PELO: variants seen among roughly 807,000 people sequenced by gnomAD.
PELO encodes the protein pelota mRNA surveillance and ribosome rescue factor, also known as protein pelota homolog.
PELO carries 19 observed loss-of-function variants against 25.9 expected under a neutral mutation model. That is an observed-to-expected ratio of 0.73 (90% CI 0.51 to 1.08). PELO has a LOEUF of 1.08. Ranked by LOEUF, PELO falls within the 50% of genes least tolerant of loss-of-function variation. The pLI, the probability that PELO is intolerant of heterozygous loss-of-function variation, is 0.00. For missense variants in PELO, 498 were observed against 491.4 expected (o/e 1.01, Z -0.13); for synonymous variants, 196 against 192.2 (o/e 1.02, Z -0.16).
rs368860799 is a variant in PELO, at chr5:52,788,391, T to A, written c.-534T>A. 19 of 1,513,136 alleles carry A rather than the reference T, an allele frequency of 1.3e-5. No homozygotes were observed. The African/African-American group carries it at 2.0e-4, about 16-fold the overall frequency. The allele number at this position is 1,513,136 out of a possible 1,614,324, so 93.7% of individuals were successfully genotyped here. A position where few individuals can be genotyped will look rare whatever the true frequency, so the allele number is the denominator to read the frequency against. On this transcript the variant is annotated 5_prime_UTR_variant, in exon 1 of 3. Transcript: ENST00000274311. ...CCCCGCGCCCGCCCAGGGGTCGCTG[T>A]CGCCTGCTGCTGGCTCCTCACTGGT...
rs1321319030 is a variant in PELO at position 52,801,641 on chromosome 5, A to T, written c.959A>T (p.His320Leu). ...TLLISDELFR[H>L]QDVATRSRYV... The stretch of plus-strand genomic sequence containing the variant: ...CTCATCAGCGATGAGCTCTTCAGGC[A>T]TCAGGATGTAGCCACACGGAGCCGG... The change falls in exon 3 of 3, where the codon CAT becomes CTT. Residue 320 changes from histidine (H) to leucine (L), a missense_variant. His to Leu is a moderately conservative substitution (Grantham distance 99). Coordinates refer to ENST00000274311, the MANE Select transcript of PELO (RefSeq NM_015946.5). 1 of 1,614,184 alleles carries T rather than the reference A, an allele frequency of 6.2e-7. No individual in the cohort carries two copies. Among genetic ancestry groups the T allele is most frequent in the South Asian group, 1.1e-5 (1 of 91,090 alleles).
Sources: gnomAD v4.1 joint callset for allele counts on GRCh38, gnomAD v4.1.1 for gene constraint, MANE v1.5 for transcripts, NCBI Gene and HGNC (gene_info 2026-07-23, HGNC 2026-07-21) for gene names.